The following RGS7 variants were observed in gnomAD, a reference collection of about 807,000 sequenced individuals.
The protein encoded by RGS7 is regulator of G protein signaling 7.
In RGS7, 27 loss-of-function variants were observed where a neutral mutation model predicts 81.1. That is an observed-to-expected ratio of 0.33 (90% CI 0.25 to 0.46). The LOEUF (loss-of-function observed/expected upper bound fraction) is 0.46, where lower values mean the gene tolerates loss of function less well. Ranked by LOEUF, RGS7 falls within the 20% of genes least tolerant of loss-of-function variation. The pLI, the probability that RGS7 is intolerant of heterozygous loss-of-function variation, is 1.00. For missense variants in RGS7, 396 were observed against 607.4 expected (o/e 0.65, Z 3.66); for synonymous variants, 208 against 207.7 (o/e 1.00, Z -0.01).
At chr1:241,228,427 T>TA (rs959137806) in intron 2 of RGS7, among the ~76,000 whole-genome samples, 7 of 151,644 alleles carry the variant, frequency 4.6e-5, no homozygotes, top group South Asian at 2.1e-4. Flanking sequence ...TTGTTACACA[T>TA]AAAAAAAATG....
At chr1:241,289,285 T>C (rs1236345077) in intron 2 of RGS7, among the ~76,000 whole-genome samples, 1 of 152,160 alleles carries the variant, frequency 6.6e-6, no homozygotes, top group African/African-American at 2.4e-5. Flanking sequence ...AAGCACAGTT[T>C]CCCCTCTTTC....
At chr1:240,810,939 G>A (rs1456125613) in intron 14 of RGS7, among the ~76,000 whole-genome samples, 1 of 152,180 alleles carries the variant, frequency 6.6e-6, no homozygotes, top group East Asian at 1.9e-4. Context: ...CACACACAGA[G>A]AGTTACATTC....
At chr1:240,910,529 T>C (rs542412619) in intron 6 of RGS7, among the ~76,000 whole-genome samples, 2 of 152,294 alleles carry the variant, frequency 1.3e-5, no homozygotes, top group South Asian at 2.1e-4. Flanking sequence ...TCTGTAGCAC[T>C]GTAACATGAC....
intron 2 of RGS7, among the ~76,000 whole-genome samples, chr1:241,162,005 C>T (rs1023205133): frequency 6.6e-6 from 1 of 152,124 alleles, no homozygotes; most frequent in Non-Finnish European, 1.5e-5. Flanking sequence ...GCTTGAGCCA[C>T]CGTGCCCGGC....
chr1:240,919,599 A>C, intron 6 of RGS7: 1 of 248,348 alleles, frequency 4.0e-6, no homozygotes, highest in Non-Finnish European at 7.8e-6. Context: ...AATGCCTACA[A>C]AAAACCTACA....
At chr1:240,838,146 G>C (rs529423709) in intron 9 of RGS7, among the ~76,000 whole-genome samples, 1 of 152,200 alleles carries the variant, frequency 6.6e-6, no homozygotes, top group Non-Finnish European at 1.5e-5. Context: ...TCTGGAGGCT[G>C]GGAAGTTCAA....
rs1055347995 is a variant in RGS7, at chr1:240,960,880, T to C, written c.226+22199A>G. On this transcript the variant is annotated intron_variant, in intron 4 of 18. Coordinates refer to ENST00000440928, the MANE Select transcript of RGS7 (RefSeq NM_001364886.1). ...TCTTTTTTCACATTAAAAATGTTAC[T>C]AATGAACTTTAGTCTGATTACAAAG... Among the ~76,000 whole-genome samples, 89 of 152,204 alleles carry C rather than the reference T, an allele frequency of 5.8e-4. 2 individuals are homozygous for C. Among genetic ancestry groups the C allele is most frequent in the Non-Finnish European group, 2.2e-4 (15 of 68,030 alleles).
intron 2 of RGS7, among the ~76,000 whole-genome samples, chr1:241,214,834 T>G (rs1350449797): frequency 1.3e-5 from 2 of 152,132 alleles, no homozygotes; most frequent in Non-Finnish European, 2.9e-5. Flanking sequence ...ATATTTCAGT[T>G]CTTAGATTTA....
At chr1:241,199,227 C>T (rs565169592) in intron 2 of RGS7, among the ~76,000 whole-genome samples, 5 of 152,104 alleles carry the variant, frequency 3.3e-5, no homozygotes, top group East Asian at 1.9e-4. Flanking sequence ...GAGGCCGAGG[C>T]GGGCGGATCA....
chr1:240,933,264 T>C (rs1341211625), intron 5 of RGS7, among the ~76,000 whole-genome samples: 4 of 152,080 alleles, frequency 2.6e-5, no homozygotes, highest in Admixed American at 1.3e-4. Flanking sequence ...TATATGTGTA[T>C]GTATAGGTGT....
intron 3 of RGS7, among the ~76,000 whole-genome samples, chr1:241,078,762 A>T (rs187357967): frequency 1.8e-4 from 28 of 152,278 alleles, no homozygotes; most frequent in Non-Finnish European, 3.7e-4. Context: ...GTAGAGTATG[A>T]GCACTTAATA....
chr1:240,952,413 G>A (rs1457314554), intron 4 of RGS7, among the ~76,000 whole-genome samples: 1 of 152,026 alleles, frequency 6.6e-6, no homozygotes, highest in Non-Finnish European at 1.5e-5. Flanking sequence ...ATATGAAACA[G>A]TATAGTGTAA....
At chr1:240,929,890 C>T (rs538954890) in intron 6 of RGS7, among the ~76,000 whole-genome samples, 2 of 152,320 alleles carry the variant, frequency 1.3e-5, no homozygotes, top group South Asian at 2.1e-4. Flanking sequence ...ACTTGACACT[C>T]TACAGTAACT....
chr1:241,332,884 A>G (rs2082046180), intron 2 of RGS7, among the ~76,000 whole-genome samples: 1 of 152,178 alleles, frequency 6.6e-6, no homozygotes, highest in African/African-American at 2.4e-5. Flanking sequence ...CTGACATTGA[A>G]CAGGTAATGA....
In RGS7 at chr1:241,271,983, CTT is replaced by C. The variant is rs201307171; in HGVS notation, c.78+83714_78+83715del. The stretch of plus-strand genomic sequence containing the variant: ...TGGAGAACCCTGACTACTAGAATTT[CTT>C]TTTTTTTTTTTTTATTTTTATTTTT... On this transcript the variant is annotated intron_variant, in intron 2 of 18. Coordinates refer to ENST00000440928, the MANE Select transcript of RGS7 (RefSeq NM_001364886.1). This position sits in a 1 kb window ranked among gnomAD's most constrained non-coding sequence, Gnocchi z 4.6. Among the ~76,000 whole-genome samples the C allele has an allele frequency of 0.22, 26,732 of 124,096 alleles. 3,170 individuals carry two copies. Among genetic ancestry groups the C allele is most frequent in the East Asian group, 0.5 (2,258 of 4,512 alleles). 81.4% of individuals were successfully genotyped at this position (124,096 alleles called of 152,430 possible). A position where few individuals can be genotyped will look rare whatever the true frequency, so the allele number is the denominator to read the frequency against.
intron 3 of RGS7, among the ~76,000 whole-genome samples, chr1:241,038,691 G>A (rs2060451768): frequency 6.6e-6 from 1 of 152,138 alleles, no homozygotes; most frequent in African/African-American, 2.4e-5. Flanking sequence ...CCTGAGAAGT[G>A]GGCAATGAAC....
intron 2 of RGS7, among the ~76,000 whole-genome samples, chr1:241,244,118 ATGTG>A (rs754591532): frequency 6.6e-6 from 1 of 151,590 alleles, no homozygotes; most frequent in African/African-American, 2.4e-5. Context: ...TTCTTAGAAA[ATGTG>A]TGTGTGTGTG....
At chr1:241,132,052 T>C (rs1180191284) in intron 2 of RGS7, among the ~76,000 whole-genome samples, 1 of 152,202 alleles carries the variant, frequency 6.6e-6, no homozygotes, top group East Asian at 1.9e-4. Context: ...TCATGTGGTA[T>C]GTCTCGCAAA....
chr1:241,074,641 C>A (rs1029865310), intron 3 of RGS7, among the ~76,000 whole-genome samples: 12 of 152,276 alleles, frequency 7.9e-5, no homozygotes, highest in African/African-American at 2.6e-4. Context: ...ACAGTTCTAG[C>A]GAAAGTACTG....
Sources: allele counts gnomAD v4.1 joint callset (sites outside exome capture counted in the v4.1 genomes callset), GRCh38; gene constraint gnomAD v4.1.1; non-coding constraint Gnocchi (gnomAD v3.1); transcripts MANE v1.5; gene names NCBI Gene and HGNC (gene_info 2026-07-23, HGNC 2026-07-21).